YTHDF3: variants seen among roughly 807,000 people sequenced by gnomAD.
YTHDF3 encodes YTH domain-containing family protein 3.
Under a neutral mutation model 52.5 loss-of-function variants are expected in YTHDF3, and 9 were observed. The ratio of observed to expected loss-of-function variants is 0.17; its 90% confidence interval spans 0.10 to 0.30. The LOEUF (loss-of-function observed/expected upper bound fraction) is 0.30. YTHDF3 is among the 10% of genes least tolerant of loss of function. YTHDF3 has a pLI of 1.00. For synonymous variants in YTHDF3, 274 were observed against 243.3 expected, an observed-to-expected ratio of 1.13 and a Z score of -1.18; for missense variants, 534 against 715.0, an observed-to-expected ratio of 0.75 and a Z score of 2.89.
At chr8:63,201,862 C>G (rs1809663130) in intron 4 of YTHDF3, among the ~76,000 whole-genome samples, 1 of 152,034 alleles carries the variant, frequency 6.6e-6, no homozygotes, top group Non-Finnish European at 1.5e-5. Flanking sequence ...GTTTGGCATC[C>G]CAAATAGAAT....
In YTHDF3 at chr8:63,210,426, C is replaced by G. The variant is rs1225840460; in HGVS notation, c.*720C>G. The G allele has an allele frequency of 6.6e-6, 1 of 152,498 alleles. No individual in the cohort carries two copies. The highest frequency in any genetic ancestry group is 1.5e-5 in the Non-Finnish European group (1 of 67,986). The allele number at this position is 152,498 out of a possible 1,614,324, so 9.4% of individuals were successfully genotyped here. Reference sequence around the variant, plus strand: ...TGTATACTGAAAAATGTGCATTTGTCTGAGGAATTATTTTGTTTGCTACCA... The same window carrying G: ...TGTATACTGAAAAATGTGCATTTGTGTGAGGAATTATTTTGTTTGCTACCA... On this transcript the variant is annotated 3_prime_UTR_variant, in exon 5 of 5. Coordinates refer to ENST00000539294, the MANE Select transcript of YTHDF3 (RefSeq NM_152758.6).
chr8:63,174,668 A>G (rs542499267), intron 2 of YTHDF3, among the ~76,000 whole-genome samples: 5 of 152,306 alleles, frequency 3.3e-5, no homozygotes, highest in African/African-American at 1.2e-4. Flanking sequence ...CATGTATTGC[A>G]AGGATAATTA....
At chr8:63,204,273 C>T (rs1809836834) in intron 4 of YTHDF3, among the ~76,000 whole-genome samples, 1 of 151,834 alleles carries the variant, frequency 6.6e-6, no homozygotes, top group South Asian at 2.1e-4. Context: ...ACAAATGAGG[C>T]AGCGACCATT....
chr8:63,172,789 G>C (rs1339318908), intron 2 of YTHDF3: 1 of 1,231,376 alleles, frequency 8.1e-7, no homozygotes, highest in African/African-American at 1.6e-5. Flanking sequence ...GGAAACAGGC[G>C]AAGAATCATG....
intron 4 of YTHDF3, among the ~76,000 whole-genome samples, chr8:63,203,878 T>C (rs1446542543): frequency 6.6e-6 from 1 of 152,360 alleles, no homozygotes; most frequent in Admixed American, 6.5e-5. Flanking sequence ...TTGAGAAGTA[T>C]ACCACAGAAG....
intron 3 of YTHDF3, among the ~76,000 whole-genome samples, chr8:63,176,440 C>T (rs371390469): frequency 2.8e-3 from 423 of 151,980 alleles, no homozygotes; most frequent in African/African-American, 9.9e-3. Flanking sequence ...CCACCATGCC[C>T]GGGTAATTTT....
Position 63,168,675 on chromosome 8 carries a change from G to C in YTHDF3, c.-203G>C. The C allele has an allele frequency of 3.3e-6, 3 of 917,080 alleles. No homozygotes were observed. Among genetic ancestry groups the C allele is most frequent in the Non-Finnish European group, 5.0e-6 (3 of 604,416 alleles). 56.8% of individuals were successfully genotyped at this position (917,080 alleles called of 1,614,324 possible). A position where few individuals can be genotyped will look rare whatever the true frequency, so the allele number is the denominator to read the frequency against. Reference sequence around the variant, plus strand: ...ACCCGAGAAGCAGAGAGCGAGAGGGGGAAGAGGAGCGTGCAAGCGGAAAAG... The same window carrying C: ...ACCCGAGAAGCAGAGAGCGAGAGGGCGAAGAGGAGCGTGCAAGCGGAAAAG... On this transcript the variant is annotated 5_prime_UTR_variant, in exon 1 of 5. Transcript: ENST00000539294.
intron 4 of YTHDF3, among the ~76,000 whole-genome samples, chr8:63,198,227 T>TTTTCC (rs561077044): frequency 2.0e-5 from 3 of 152,100 alleles, no homozygotes; most frequent in South Asian, 2.1e-4. Context: ...CTTTCTTTTC[T>TTTTCC]TTTCCTTTCC....
intron 3 of YTHDF3, among the ~76,000 whole-genome samples, chr8:63,177,494 T>C (rs904215198): frequency 2.0e-5 from 3 of 152,250 alleles, no homozygotes; most frequent in African/African-American, 7.2e-5. Context: ...TTTTACTATA[T>C]TCTGGCTCAC....
At chr8:63,177,221 T>G (rs1309102068) in intron 3 of YTHDF3, among the ~76,000 whole-genome samples, 2 of 152,148 alleles carry the variant, frequency 1.3e-5, no homozygotes, top group African/African-American at 4.8e-5. Flanking sequence ...GAACAAAAAG[T>G]AGTTCCCAAT....
rs1563404111 is a variant in YTHDF3, at chr8:63,188,691, A to ATG, written c.1734+947_1734+948insGT. ...TATAAGAAATTACATATATATATAT[A>ATG]TATATATATATTTTTTTTTTTTTTT... On this transcript the variant is annotated intron_variant, in intron 4 of 4. Coordinates refer to ENST00000539294, the MANE Select transcript of YTHDF3 (RefSeq NM_152758.6). 3 of 63,884 alleles carry ATG rather than the reference A, an allele frequency of 4.7e-5. No homozygotes were observed. The East Asian group carries it at 1.2e-3, about 25-fold the overall frequency. The allele number at this position is 63,884 out of a possible 1,614,324, so 4.0% of individuals were successfully genotyped here.
Position 63,186,561 on chromosome 8 carries a change from A to G in YTHDF3, c.550A>G (p.Ile184Val), listed in dbSNP as rs778188005. The change falls in exon 4 of 5, where the codon ATT becomes GTT. Residue 184 changes from isoleucine (I) to valine (V), a missense_variant. Around this residue, in one of 3 missense-constraint regions of YTHDF3, gnomAD observed 196 missense variants for 299.5 expected, o/e 0.65. Transcript: ENST00000539294. ...GNDTLSKVPGISSIEQGMTGL... is the reference protein window; with the variant it reads ...GNDTLSKVPGVSSIEQGMTGL... The stretch of plus-strand genomic sequence containing the variant: ...TGATACTTTGAGTAAGGTGCCTGGC[A>G]TTAGCAGTATTGAGCAAGGCATGAC... The G allele has an allele frequency of 8.7e-6, 14 of 1,613,898 alleles. No individual in the cohort carries two copies. In the Admixed American group the frequency reaches 1.7e-4, roughly 19 times the overall value.
intron 4 of YTHDF3, among the ~76,000 whole-genome samples, chr8:63,199,563 A>G (rs899923874): frequency 9.2e-5 from 14 of 152,202 alleles, no homozygotes; most frequent in Admixed American, 8.5e-4. Context: ...GAAATATCTT[A>G]TGTTTCCAGA....
rs1808601823 is a variant in YTHDF3 at position 63,187,508 on chromosome 8, C to T, written c.1497C>T (p.Gly499=). The change falls in exon 4 of 5, where the codon GGC becomes GGT. Residue 499 remains glycine (G), a synonymous_variant. Coordinates refer to ENST00000539294, the MANE Select transcript of YTHDF3 (RefSeq NM_152758.6). The part of the protein sequence containing the change: ...AGVWSQDKWK[G]KFEVKWIFVK... ...TCTGGTCTCAGGATAAGTGGAAGGGCAAATTTGAAGTTAAATGGATCTTTG... is the reference window on the plus strand; with the variant it reads ...TCTGGTCTCAGGATAAGTGGAAGGGTAAATTTGAAGTTAAATGGATCTTTG... 3 of 1,613,762 alleles carry T rather than the reference C, an allele frequency of 1.9e-6. No homozygotes were observed. The highest frequency in any genetic ancestry group is 2.7e-5 in the African/African-American group (2 of 74,874).
intron 3 of YTHDF3, among the ~76,000 whole-genome samples, chr8:63,179,035 G>C (rs1258921830): frequency 6.6e-6 from 1 of 152,102 alleles, no homozygotes; most frequent in East Asian, 1.9e-4. Context: ...TGTTTAACAA[G>C]TCTTTTGCTA....
intron 3 of YTHDF3, among the ~76,000 whole-genome samples, chr8:63,178,936 T>C (rs916888545): frequency 4.6e-5 from 7 of 152,208 alleles, no homozygotes; most frequent in Non-Finnish European, 1.0e-4. Context: ...TTTAATTAGG[T>C]CCTCATACAC....
intron 4 of YTHDF3, among the ~76,000 whole-genome samples, chr8:63,190,799 G>T (rs1450844386): frequency 6.6e-6 from 1 of 152,162 alleles, no homozygotes. Flanking sequence ...ACTCTGGCTG[G>T]CTCTGTGATT....
In YTHDF3 at chr8:63,186,862, C is replaced by T. The variant is rs769401599; in HGVS notation, c.851C>T (p.Ser284Leu). The change falls in exon 4 of 5, where the codon TCA becomes TTA. Residue 284 changes from serine to leucine, a missense_variant. Ser to Leu is a moderately radical substitution (Grantham distance 145, BLOSUM62 -2). Transcript: ENST00000539294. ...MNIGTWDEKG[S>L]VVKAPPTQPV... ...ATTGGAACTTGGGATGAAAAAGGGT[C>T]AGTGGTAAAGGCTCCACCAACCCAA... 1.9e-6 allele frequency: 3 copies of T among 1,613,866 alleles called. No individual in the cohort carries two copies. The highest frequency in any genetic ancestry group is 1.7e-5 in the Admixed American group (1 of 60,002).
intron 3 of YTHDF3, among the ~76,000 whole-genome samples, chr8:63,180,539 G>A (rs1431211112): frequency 5.9e-5 from 9 of 152,100 alleles, no homozygotes; most frequent in South Asian, 2.1e-4. Context: ...ATGGGCGGCC[G>A]GGCAGAGACG....
Sources: gnomAD v4.1 joint callset for allele counts (sites outside exome capture counted in the v4.1 genomes callset) on GRCh38, gnomAD v4.1.1 for gene constraint, gnomAD v4.1.1 regional missense constraint, MANE v1.5 for transcripts, NCBI Gene and HGNC (gene_info 2026-07-23, HGNC 2026-07-21) for gene names.